Variants in ADAMTS7 observed in about 807,000 individuals in gnomAD.
The protein encoded by ADAMTS7 is ADAM metallopeptidase with thrombospondin type 1 motif 7.
Under a neutral mutation model 172.6 loss-of-function variants are expected in ADAMTS7, and 89 were observed. That is an observed-to-expected ratio of 0.52 (90% CI 0.43 to 0.61). The LOEUF (loss-of-function observed/expected upper bound fraction) is 0.61, where lower values mean the gene tolerates loss of function less well. Among genes scored for constraint, ADAMTS7 ranks in the 20% least tolerant of loss-of-function variants. The pLI, the probability that ADAMTS7 is intolerant of heterozygous loss-of-function variation, is 0.00. For missense variants in ADAMTS7, 1,973 were observed against 2,355.6 expected, an observed-to-expected ratio of 0.84 and a Z score of 3.36; for synonymous variants, 885 against 978.4, an observed-to-expected ratio of 0.90 and a Z score of 1.78.
At chr15:78,765,497 G>A (rs2055124279) in intron 19 of ADAMTS7, 148 bp downstream of exon 19, 2 of 1,327,078 alleles carry the variant, frequency 1.5e-6, no homozygotes, top group South Asian at 1.4e-5. Context: ...GGGGCCCGGG[G>A]TCCCCTCATC....
At chr15:78,793,532 T>C (rs2055607378) in intron 4 of ADAMTS7, among the ~76,000 whole-genome samples, 1 of 152,136 alleles carries the variant, frequency 6.6e-6, no homozygotes, top group African/African-American at 2.4e-5. Context: ...CTGGCCCGTT[T>C]TACTTTTTTT....
intron 6 of ADAMTS7, 121 bp downstream of exon 6, chr15:78,790,549 C>T: frequency 2.2e-6 from 3 of 1,370,012 alleles, no homozygotes; most frequent in Non-Finnish European, 3.0e-6. Flanking sequence ...CAAAGGTGCG[C>T]AAACTCTCCT....
At chr15:78,783,704 T>C (rs1305647690) in intron 8 of ADAMTS7, among the ~76,000 whole-genome samples, 1 of 152,150 alleles carries the variant, frequency 6.6e-6, no homozygotes, top group African/African-American at 2.4e-5. Flanking sequence ...TAAGAGAACA[T>C]ACTGTACCCA....
At chr15:78,797,890 G>A in intron 3 of ADAMTS7, 58 bp downstream of exon 3, 2 of 1,550,834 alleles carry the variant, frequency 1.3e-6, no homozygotes, top group Non-Finnish European at 1.7e-6. Context: ...TTCTAGAAAG[G>A]CCCCTTCATG....
intron 16 of ADAMTS7, 38 bp from the exon 17 acceptor site, chr15:78,768,297 G>C (rs373727775): frequency 9.9e-6 from 16 of 1,608,832 alleles, no homozygotes; most frequent in Non-Finnish European, 1.3e-5. Context: ...CTGGCACCCA[G>C]GTGCCCACCA....
At chr15:78,772,457 C>T (rs2055266847) in intron 14 of ADAMTS7, among the ~76,000 whole-genome samples, 1 of 152,254 alleles carries the variant, frequency 6.6e-6, no homozygotes, top group South Asian at 2.1e-4. Flanking sequence ...GGCCCCATAG[C>T]TGGCCCTGCC....
At chr15:78,768,415 C>T (rs534589330) in intron 16 of ADAMTS7, among the ~76,000 whole-genome samples, 156 bp from the exon 17 acceptor site, 6 of 152,306 alleles carry the variant, frequency 3.9e-5, no homozygotes, top group Admixed American at 2.0e-4. Context: ...AGACCTCCAC[C>T]GTCGCCTCCT....
At chr15:78,789,980 C>T (rs577433443) in intron 6 of ADAMTS7, 142 bp from the exon 7 acceptor site, 37 of 1,226,526 alleles carry the variant, frequency 3.0e-5, no homozygotes, top group South Asian at 1.3e-4. Flanking sequence ...GAGGCCAGCA[C>T]GGTGGCCGCT....
At chr15:78,810,433 C>T (rs2055849720) in intron 1 of ADAMTS7, 1 of 152,314 alleles carries the variant, frequency 6.6e-6, no homozygotes, top group Non-Finnish European at 1.5e-5. Flanking sequence ...AAACAAGAGT[C>T]TGGACGCAGG....
intron 1 of ADAMTS7, among the ~76,000 whole-genome samples, chr15:78,806,948 G>C (rs1459509780): frequency 6.6e-6 from 1 of 152,058 alleles, no homozygotes; most frequent in Non-Finnish European, 1.5e-5. Flanking sequence ...TGTATTTTTA[G>C]TAGAGGTAGA....
At position 78,766,709 on chromosome 15, in the gene ADAMTS7, T is replaced by C. The variant is rs2055160237; in HGVS notation, c.3202A>G (p.Asn1068Asp). The change falls in exon 19 of 24, where the codon AAT becomes GAT. Residue 1068 changes from asparagine (N) to aspartate (D), a missense_variant. By Grantham distance (23) the Asn-to-Asp change is conservative (BLOSUM62 1). Transcript: ENST00000388820. The part of the protein sequence containing the change: ...VFVDDFYYDY[N>D]FINFHEDLSY... ...AGATCCTCGTGGAAATTGATGAAAT[T>C]GTAGTCGTAGTAGAAGTCGTCCACA... The C allele has an allele frequency of 6.2e-7, 1 of 1,610,816 alleles. No individual in the cohort carries two copies. The highest frequency in any genetic ancestry group is 8.5e-7 in the Non-Finnish European group (1 of 1,179,798).
rs1006368047 is a variant in ADAMTS7 at position 78,759,299 on chromosome 15, C to CCCCAG, written c.*117_*121dup. 4.4e-6 allele frequency: 4 copies of CCCCAG among 911,620 alleles called. No homozygotes were observed. The African/African-American group carries it at 6.8e-5, about 16-fold the overall frequency. The allele number at this position is 911,620 out of a possible 1,614,324, so 56.5% of individuals were successfully genotyped here. On this transcript the variant is annotated 3_prime_UTR_variant, in exon 24 of 24. Coordinates refer to ENST00000388820, the MANE Select transcript of ADAMTS7 (RefSeq NM_014272.5). ...ATACCTTTTTTGAGGGGGAGGAGGT[C>CCCCAG]CCCAGCCTGCTGCTGGGTAGTGAGA...
chr15:78,780,491 A>G lies in ADAMTS7; in HGVS notation c.1323-2903T>C, dbSNP rs1293189092. 3.3e-4 allele frequency among the ~76,000 whole-genome samples: 50 copies of G among 152,058 alleles called. No individual in the cohort carries two copies. In the South Asian group the frequency reaches 1.0e-2, roughly 30 times the overall value. On this transcript the variant is annotated intron_variant, in intron 8 of 23. Coordinates refer to ENST00000388820, the MANE Select transcript of ADAMTS7 (RefSeq NM_014272.5). The stretch of plus-strand genomic sequence containing the variant: ...TGACCCAGCCTGCCTCTCTCCCTGT[A>G]GAAATGCTGGCTTTGAGGAAAGCAG...
chr15:78,807,154 A>T (rs1564500), intron 1 of ADAMTS7, among the ~76,000 whole-genome samples: 1 of 152,142 alleles, frequency 6.6e-6, no homozygotes, highest in Admixed American at 6.6e-5. Flanking sequence ...GCTGAAGGTC[A>T]GGGGGGCACT....
At chr15:78,760,757 GC>G (rs2055030509) in intron 23 of ADAMTS7, among the ~76,000 whole-genome samples, 1 of 152,090 alleles carries the variant, frequency 6.6e-6, no homozygotes, top group Non-Finnish European at 1.5e-5. Context: ...CACCTTCCCA[GC>G]CCCCCTCCAC....
chr15:78,769,671 G>A (rs1567210795), intron 16 of ADAMTS7, among the ~76,000 whole-genome samples: 1 of 152,212 alleles, frequency 6.6e-6, no homozygotes, highest in South Asian at 2.1e-4. Context: ...TCCAGGTCCC[G>A]CCAGCTTAGA....
At position 78,789,676 on chromosome 15, in the gene ADAMTS7, G is replaced by A. The variant is rs2055551443; in HGVS notation, c.1178+13C>T. The A allele has an allele frequency of 6.2e-7, 1 of 1,613,346 alleles. No individual in the cohort carries two copies. Among genetic ancestry groups the A allele is most frequent in the African/African-American group, 1.3e-5 (1 of 74,936 alleles). On this transcript the variant is annotated intron_variant, in intron 7 of 23. Coordinates refer to ENST00000388820, the MANE Select transcript of ADAMTS7 (RefSeq NM_014272.5). ...CTCGGCTCTCAGTGTAGCAATGGGG[G>A]CAGGCACAGTACCTGTGCCCGAGCT...
chr15:78,795,354 T>C (rs987512298), intron 4 of ADAMTS7, among the ~76,000 whole-genome samples: 3 of 152,274 alleles, frequency 2.0e-5, no homozygotes, highest in Admixed American at 1.3e-4. Context: ...TTTTATTCCA[T>C]ATGGAACAGG....
At chr15:78,801,112 C>T (rs899727857) in intron 1 of ADAMTS7, among the ~76,000 whole-genome samples, 2 of 152,216 alleles carry the variant, frequency 1.3e-5, no homozygotes, top group Non-Finnish European at 2.9e-5. Flanking sequence ...CCCCTCCCCT[C>T]GTGTTTTCAC....
Sources: gnomAD v4.1 joint callset for allele counts (sites outside exome capture counted in the v4.1 genomes callset) on GRCh38, gnomAD v4.1.1 for gene constraint, MANE v1.5 for transcripts, NCBI Gene and HGNC (gene_info 2026-07-23, HGNC 2026-07-21) for gene names.